DGLUCY: variants seen among roughly 807,000 people sequenced by gnomAD.
DGLUCY encodes D-glutamate cyclase, mitochondrial.
DGLUCY carries 58 observed loss-of-function variants against 58.5 expected under a neutral mutation model. The ratio of observed to expected loss-of-function variants is 0.99; its 90% CI spans 0.80 to 1.23. DGLUCY has a LOEUF of 1.23. DGLUCY is among the 50% of genes most tolerant of loss of function. The pLI is 0.00. For synonymous variants in DGLUCY, 325 were observed against 314.1 expected (o/e 1.03, Z -0.37); for missense variants, 779 against 784.7 (o/e 0.99, Z 0.09).
At chr14:91,107,221 T>A (rs2044607731), upstream of DGLUCY, among the ~76,000 whole-genome samples, 1 of 152,182 alleles carries the variant, frequency 6.6e-6, no homozygotes, top group African/African-American at 2.4e-5. Flanking sequence ...TCACACTAAC[T>A]AAAAACCCTT....
intron 13 of DGLUCY, among the ~76,000 whole-genome samples, chr14:91,219,833 C>A (rs1285861): frequency 1 from 152,192 of 152,318 alleles, 76,034 homozygotes; most frequent in Middle Eastern, 1. Flanking sequence ...ACTTGGAGCT[C>A]AGGAGGTGGA....
chr14:91,169,661 C>T (rs947380956), intron 4 of DGLUCY, among the ~76,000 whole-genome samples: 11 of 151,616 alleles, frequency 7.3e-5, no homozygotes, highest in African/African-American at 1.2e-4. Context: ...CTGCCCGCCT[C>T]GGCCTCCCAA....
At chr14:91,060,590 G>A (rs1051149649) in exon 1 of DGLUCY, 16 of 1,019,806 alleles carry the variant, frequency 1.6e-5, no homozygotes, top group Non-Finnish European at 1.9e-5. Context: ...CGCTCTGGCC[G>A]CACGGCTCGC....
chr14:91,208,508 G>A (rs1885134935), intron 12 of DGLUCY, among the ~76,000 whole-genome samples: 1 of 152,160 alleles, frequency 6.6e-6, no homozygotes, highest in African/African-American at 2.4e-5. Flanking sequence ...TAGCACTTTG[G>A]GAGGCCGAGG....
intron 1 of DGLUCY, among the ~76,000 whole-genome samples, chr14:91,082,138 A>G (rs956361371): frequency 9.2e-5 from 14 of 152,204 alleles, no homozygotes; most frequent in African/African-American, 3.4e-4. Flanking sequence ...TCAGCCTGCT[A>G]TAGCTGGGTA....
At chr14:91,165,224 C>A (rs139245563) in intron 3 of DGLUCY, 1 of 455,480 alleles carries the variant, frequency 2.2e-6, no homozygotes, top group South Asian at 1.6e-5. Flanking sequence ...CTTCTGTAAC[C>A]GTAATTTTAA....
chr14:91,201,645 T>C (rs1401820917), intron 11 of DGLUCY, among the ~76,000 whole-genome samples: 1 of 152,070 alleles, frequency 6.6e-6, no homozygotes, highest in Non-Finnish European at 1.5e-5. Flanking sequence ...GGTCTCACTA[T>C]ATTGCTCAGC....
intron 1 of DGLUCY, among the ~76,000 whole-genome samples, chr14:91,092,517 A>G (rs2044328966): frequency 6.6e-6 from 1 of 152,246 alleles, no homozygotes; most frequent in African/African-American, 2.4e-5. Context: ...AAAGGATTTT[A>G]TATGACTTAT....
intron 1 of DGLUCY, among the ~76,000 whole-genome samples, chr14:91,071,561 G>A (rs79396323): frequency 0.021 from 3,191 of 152,172 alleles, 36 homozygotes; most frequent in South Asian, 0.033. Context: ...AATAGCTGTG[G>A]AATTTATGGT....
intron 1 of DGLUCY, among the ~76,000 whole-genome samples, chr14:91,074,118 T>TATAC (rs1387151532): frequency 1.3e-4 from 9 of 70,342 alleles, no homozygotes; most frequent in African/African-American, 5.3e-4. Context: ...TATATATATA[T>TATAC]ACACACACAC....
chr14:91,208,325 T>G (rs954316807), intron 12 of DGLUCY, among the ~76,000 whole-genome samples: 3 of 152,226 alleles, frequency 2.0e-5, no homozygotes, highest in African/African-American at 7.2e-5. Flanking sequence ...ATAAAAACTT[T>G]TGTATTTATT....
At chr14:91,098,103 C>T (rs2140077982) in intron 1 of DGLUCY, among the ~76,000 whole-genome samples, 1 of 152,270 alleles carries the variant, frequency 6.6e-6, no homozygotes, top group Admixed American at 6.5e-5. Flanking sequence ...GCATTTCTAC[C>T]ATATAGATGT....
chr14:91,194,778 A>T (rs1441851726), intron 9 of DGLUCY, among the ~76,000 whole-genome samples: 1 of 152,088 alleles, frequency 6.6e-6, no homozygotes, highest in African/African-American at 2.4e-5. Flanking sequence ...TGACCTCGTG[A>T]TCTGCCCGCC....
At chr14:91,170,313 C>T in intron 5 of DGLUCY, 112 bp downstream of exon 5, 1 of 1,180,090 alleles carries the variant, frequency 8.5e-7, no homozygotes, top group Admixed American at 2.6e-5. Context: ...AACCTAAGCT[C>T]CAGCCCCAGC....
intron 1 of DGLUCY, among the ~76,000 whole-genome samples, chr14:91,131,694 AT>A (rs2046033376): frequency 6.6e-6 from 1 of 151,792 alleles, no homozygotes; most frequent in Non-Finnish European, 1.5e-5. Flanking sequence ...CTTTCCTGTT[AT>A]AAAAGTTTCT....
At chr14:91,094,851 G>C (rs143853825) in intron 1 of DGLUCY, among the ~76,000 whole-genome samples, 2 of 151,844 alleles carry the variant, frequency 1.3e-5, no homozygotes, top group East Asian at 3.9e-4. Flanking sequence ...TTCAGGCCTC[G>C]AGTGAGAACT....
chr14:91,102,743 A>ATGTATGTG (rs1555391099), intron 1 of DGLUCY, among the ~76,000 whole-genome samples: 1 of 130,586 alleles, frequency 7.7e-6, no homozygotes, highest in African/African-American at 2.9e-5. Context: ...TCCAGTGTGT[A>ATGTATGTG]TGTGTGTGTG....
chr14:91,084,484 G>T (rs1000818954), intron 1 of DGLUCY, among the ~76,000 whole-genome samples: 1 of 151,852 alleles, frequency 6.6e-6, no homozygotes, highest in African/African-American at 2.4e-5. Flanking sequence ...GGATTACAGG[G>T]ATGAGCCACC....
chr14:91,141,995 A>T (rs993667300), intron 1 of DGLUCY, among the ~76,000 whole-genome samples: 2 of 151,908 alleles, frequency 1.3e-5, no homozygotes, highest in Non-Finnish European at 2.9e-5. Context: ...AGAGGTACGT[A>T]GCATCACGTC....
Sources: allele counts gnomAD v4.1 joint callset (sites outside exome capture counted in the v4.1 genomes callset), GRCh38; gene constraint gnomAD v4.1.1; transcripts MANE v1.5; gene names NCBI Gene and HGNC (gene_info 2026-07-23, HGNC 2026-07-21).